TM9SF2: variants seen among roughly 807,000 people sequenced by gnomAD.
The protein encoded by TM9SF2 is 76 kDa membrane protein.
Under a neutral mutation model 84.9 loss-of-function variants are expected in TM9SF2, and 13 were observed. That is an observed-to-expected ratio of 0.15 (90% CI 0.10 to 0.24). TM9SF2 has a LOEUF of 0.24. Ranked by LOEUF, TM9SF2 falls within the 10% of genes least tolerant of loss-of-function variation. The probability of loss-of-function intolerance (pLI) is 1.00; values close to 1 mark genes in which losing one functional copy is unlikely to be tolerated. For synonymous variants in TM9SF2, 273 were observed against 285.8 expected (o/e 0.96, Z 0.45); for missense variants, 562 against 818.5 (o/e 0.69, Z 3.82).
At chr13:99,530,198 T>G (rs9582317) in intron 4 of TM9SF2, among the ~76,000 whole-genome samples, 3,780 of 151,916 alleles carry the variant, frequency 0.025, 162 homozygotes, top group African/African-American at 0.086. Context: ...GCTGAGGCGG[T>G]TGGATCACGA....
chr13:99,519,455 T>A (rs1413766510), intron 2 of TM9SF2: 2 of 152,702 alleles, frequency 1.3e-5, no homozygotes, highest in African/African-American at 4.8e-5. Context: ...TAAGCTGTAA[T>A]GTTTAAACAG....
At chr13:99,537,197 C>T (rs2046238520) in intron 5 of TM9SF2, among the ~76,000 whole-genome samples, 1 of 151,976 alleles carries the variant, frequency 6.6e-6, no homozygotes, top group African/African-American at 2.4e-5. Context: ...GTAATTAGAA[C>T]TAGGTGGGGA....
chr13:99,537,104 T>C (rs1047503844), intron 5 of TM9SF2, among the ~76,000 whole-genome samples: 1 of 150,220 alleles, frequency 6.7e-6, no homozygotes, highest in East Asian at 1.9e-4. Flanking sequence ...TCAGATATTA[T>C]AACCTTTTTA....
At chr13:99,519,085 G>A (rs533704380) in intron 2 of TM9SF2, among the ~76,000 whole-genome samples, 60 of 152,026 alleles carry the variant, frequency 3.9e-4, no homozygotes, top group African/African-American at 1.3e-3. Context: ...AAAAAGTTAC[G>A]ACTATCCTAA....
chr13:99,535,201 A>AT (rs925877981), intron 4 of TM9SF2, among the ~76,000 whole-genome samples: 4 of 151,630 alleles, frequency 2.6e-5, no homozygotes, highest in East Asian at 1.9e-4. Context: ...TTTCAAAGGG[A>AT]TTTTTTTTTA....
intron 3 of TM9SF2, among the ~76,000 whole-genome samples, chr13:99,521,688 T>C (rs913178563): frequency 4.6e-5 from 7 of 152,144 alleles, no homozygotes; most frequent in Non-Finnish European, 1.0e-4. Context: ...AAATATATCC[T>C]CTTCAAATAT....
rs866376652 is a variant in TM9SF2, at chr13:99,559,429, G to T, written c.1819G>T (p.Ala607Ser). Reference sequence around the variant, plus strand: ...TACTGCAGTTTATTTCTTAATCTATGCAGTACACTACTTCTTTTCAAAACT... The same window carrying T: ...TACTGCAGTTTATTTCTTAATCTATTCAGTACACTACTTCTTTTCAAAACT... ...GFTAVYFLIY[A>S]VHYFFSKLQI... The change falls in exon 16 of 17, where the codon GCA becomes TCA. Residue 607 changes from alanine (A) to serine (S), a missense_variant. Ala to Ser is a moderately conservative substitution (Grantham distance 99). Around this residue, in one of 4 missense-constraint regions of TM9SF2, gnomAD observed 63 missense variants for 109.2 expected, o/e 0.58. Transcript: ENST00000376387. 1 of 1,613,864 alleles carries T rather than the reference G, an allele frequency of 6.2e-7. No homozygotes were observed. The highest frequency in any genetic ancestry group is 8.5e-7 in the Non-Finnish European group (1 of 1,179,890).
chr13:99,558,218 C>T (rs1173863340), intron 15 of TM9SF2, among the ~76,000 whole-genome samples: 7 of 152,218 alleles, frequency 4.6e-5, no homozygotes, highest in Non-Finnish European at 1.0e-4. Flanking sequence ...ATTTTGATTA[C>T]TGTGGCTTCG....
intron 3 of TM9SF2, 42 bp from the exon 4 acceptor site, chr13:99,529,425 G>C (rs769014645): frequency 6.9e-7 from 1 of 1,458,574 alleles, no homozygotes; most frequent in Non-Finnish European, 9.0e-7. Flanking sequence ...GAAAAACCTG[G>C]ATATTTTTTC....
intron 8 of TM9SF2, among the ~76,000 whole-genome samples, 173 bp downstream of exon 8, chr13:99,540,966 C>T (rs763886517): frequency 5.9e-5 from 9 of 152,226 alleles, no homozygotes; most frequent in African/African-American, 1.7e-4. Context: ...AATTTCTCAG[C>T]GTCTGTTTCT....
intron 2 of TM9SF2, among the ~76,000 whole-genome samples, chr13:99,518,741 C>T (rs967589301): frequency 1.3e-5 from 2 of 149,766 alleles, no homozygotes; most frequent in East Asian, 3.9e-4. Flanking sequence ...GGACTACAGG[C>T]GTGTGCAACC....
At chr13:99,524,974 GC>G (rs1190296598) in intron 3 of TM9SF2, among the ~76,000 whole-genome samples, 1 of 151,950 alleles carries the variant, frequency 6.6e-6, no homozygotes, top group East Asian at 2.0e-4. Flanking sequence ...AGAGGCCGAG[GC>G]AAGAAAGTGT....
At chr13:99,511,748 G>T (rs2046114488) in intron 1 of TM9SF2, among the ~76,000 whole-genome samples, 1 of 152,204 alleles carries the variant, frequency 6.6e-6, no homozygotes, top group Non-Finnish European at 1.5e-5. Flanking sequence ...CCATAATTTA[G>T]TGTTGATATC....
rs375236652 is a variant in TM9SF2 at position 99,554,289 on chromosome 13, C to CT, written c.1489-8dup. 1.2e-6 allele frequency: 2 copies of CT among 1,602,420 alleles called. No individual in the cohort carries two copies. Among genetic ancestry groups the CT allele is most frequent in the South Asian group, 1.1e-5 (1 of 88,700 alleles). On this transcript the variant is annotated splice_polypyrimidine_tract_variant and intron_variant, in intron 13 of 16. Transcript: ENST00000376387. The stretch of plus-strand genomic sequence containing the variant: ...ATACGTAATTATGAATTCTTCCTTC[C>CT]TTTTTTTACTGAAGGCCATTGAACA...
intron 6 of TM9SF2, among the ~76,000 whole-genome samples, chr13:99,538,429 T>A (rs1393359186): frequency 6.6e-6 from 1 of 152,168 alleles, no homozygotes; most frequent in Non-Finnish European, 1.5e-5. Flanking sequence ...CTTTTTCTCA[T>A]GCACTGGTGG....
chr13:99,507,873 A>G (rs2046095215), intron 1 of TM9SF2, among the ~76,000 whole-genome samples: 1 of 152,146 alleles, frequency 6.6e-6, no homozygotes, highest in Non-Finnish European at 1.5e-5. Context: ...GGTGGGACAG[A>G]TGTGATGATA....
intron 2 of TM9SF2, among the ~76,000 whole-genome samples, chr13:99,518,810 C>T (rs1269300791): frequency 1.4e-5 from 2 of 147,858 alleles, no homozygotes; most frequent in African/African-American, 2.5e-5. Context: ...GATGGAGTAC[C>T]ACTCTGTTGT....
chr13:99,558,687 C>A (rs1252721805), intron 15 of TM9SF2, among the ~76,000 whole-genome samples: 3 of 151,938 alleles, frequency 2.0e-5, no homozygotes, highest in Non-Finnish European at 4.4e-5. Context: ...TTATACCCTG[C>A]AATTTTGCTG....
chr13:99,537,814 A>C lies in TM9SF2; in HGVS notation c.667A>C (p.Thr223Pro). The change falls in exon 6 of 17, where the codon ACT (threonine) becomes CCT (proline). Residue 223 changes from threonine (T) to proline (P), a missense_variant. This residue lies in a region of TM9SF2 where 267 missense variants were observed against 316.7 expected (regional missense o/e 0.84). Transcript: ENST00000376387. ...DIKIYYHVVE[T>P]GSMGARLVAA... ...CAAAATATACTATCATGTTGTTGAA[A>C]CTGGGTCCATGGGAGCAAGATTAGT... The C allele has an allele frequency of 6.2e-7, 1 of 1,611,502 alleles. No individual in the cohort carries two copies. The highest frequency in any genetic ancestry group is 8.5e-7 in the Non-Finnish European group (1 of 1,179,512).
Sources: allele counts gnomAD v4.1 joint callset (sites outside exome capture counted in the v4.1 genomes callset), GRCh38; gene constraint gnomAD v4.1.1; regional missense constraint gnomAD v4.1.1; transcripts MANE v1.5; gene names NCBI Gene and HGNC (gene_info 2026-07-23, HGNC 2026-07-21).